The following NARS2 variants were observed in gnomAD, a reference collection of about 807,000 sequenced individuals.
NARS2 encodes the protein asparaginyl-tRNA synthetase 2, mitochondrial, also known as asparaginyl-tRNA synthetase.
Under a neutral mutation model 62.9 loss-of-function variants are expected in NARS2, and 60 were observed. That is an observed-to-expected ratio of 0.95 (90% CI 0.77 to 1.18). NARS2 has a LOEUF of 1.18. Among genes scored for constraint, NARS2 ranks in the 50% most tolerant of loss-of-function variants. NARS2 has a pLI of 0.00. For synonymous variants in NARS2, 196 were observed against 200.0 expected (o/e 0.98, Z 0.17); for missense variants, 619 against 576.4 (o/e 1.07, Z -0.76).
At chr11:78,521,530 C>T (rs55836289) in intron 6 of NARS2, among the ~76,000 whole-genome samples, 14,908 of 151,990 alleles carry the variant, frequency 0.098, 2,355 homozygotes, top group African/African-American at 0.33. Context: ...GTGGCTCACG[C>T]CTGTAATCCC....
intron 7 of NARS2, among the ~76,000 whole-genome samples, chr11:78,485,942 T>A (rs1591189937): frequency 6.6e-6 from 1 of 152,282 alleles, no homozygotes; most frequent in East Asian, 1.9e-4. Context: ...TGGCACGATC[T>A]CGGCTCACTG....
chr11:78,473,315 C>G (rs1858952815), intron 9 of NARS2, among the ~76,000 whole-genome samples: 1 of 152,172 alleles, frequency 6.6e-6, no homozygotes, highest in Admixed American at 6.5e-5. Context: ...TATTTTCTTT[C>G]AACTATGTGA....
At chr11:78,489,409 G>A (rs977972758) in intron 7 of NARS2, among the ~76,000 whole-genome samples, 15 of 152,128 alleles carry the variant, frequency 9.9e-5, no homozygotes, top group African/African-American at 3.6e-4. Flanking sequence ...CTCTTAGAAT[G>A]GCTTAAAACC....
At chr11:78,542,777 T>C (rs1433452471) in intron 5 of NARS2, among the ~76,000 whole-genome samples, 1 of 152,194 alleles carries the variant, frequency 6.6e-6, no homozygotes. Flanking sequence ...TGCGCACCTG[T>C]AGTTTTAGTA....
At position 78,574,629 on chromosome 11, in the gene NARS2, C is replaced by T; in HGVS notation, c.-141G>A. The T allele has an allele frequency of 3.3e-6, 3 of 907,102 alleles. No homozygotes were observed. Among genetic ancestry groups the T allele is most frequent in the Non-Finnish European group, 4.8e-6 (3 of 618,802 alleles). 56.2% of individuals were successfully genotyped at this position (907,102 alleles called of 1,614,324 possible). A position where few individuals can be genotyped will look rare whatever the true frequency, so the allele number is the denominator to read the frequency against. On this transcript the variant is annotated 5_prime_UTR_variant, in exon 1 of 14. Coordinates refer to ENST00000281038, the MANE Select transcript of NARS2 (RefSeq NM_024678.6). ...GGCACTCCAGAGCCCCTCGGCTGCG[C>T]GCTTTCTCCTTCAGGACTCCCAGCT...
intron 11 of NARS2, among the ~76,000 whole-genome samples, chr11:78,447,178 T>C (rs1214462343): frequency 6.6e-6 from 1 of 151,958 alleles, no homozygotes; most frequent in East Asian, 1.9e-4. Flanking sequence ...TTTTTTTTTT[T>C]CTTCCTACAT....
Position 78,482,351 on chromosome 11 carries a change from GCAAA to G in NARS2, c.823-3672_823-3669del, listed in dbSNP as rs200246231. On this transcript the variant is annotated intron_variant, in intron 7 of 13. Coordinates refer to ENST00000281038, the MANE Select transcript of NARS2 (RefSeq NM_024678.6). Reference sequence around the variant, plus strand: ...AATTAAAAGAACTAGAGAAGCAAGAGCAAACAAATTCAAAAGCTAGCAGAAGACA... The same window carrying G: ...AATTAAAAGAACTAGAGAAGCAAGAGCAAATTCAAAAGCTAGCAGAAGACA... Among the ~76,000 whole-genome samples, 14 of 152,028 alleles carry G rather than the reference GCAAA, an allele frequency of 9.2e-5. No individual in the cohort carries two copies. In the East Asian group the frequency reaches 2.7e-3, roughly 29 times the overall value.
intron 4 of NARS2, among the ~76,000 whole-genome samples, chr11:78,560,829 C>G (rs542381045): frequency 2.0e-5 from 3 of 152,302 alleles, no homozygotes; most frequent in East Asian, 1.9e-4. Flanking sequence ...CCAATAAAAT[C>G]TGATCAATAA....
At chr11:78,498,701 G>GA (rs1280806956) in intron 6 of NARS2, among the ~76,000 whole-genome samples, 2 of 147,044 alleles carry the variant, frequency 1.4e-5, no homozygotes, top group East Asian at 2.0e-4. Context: ...TTGGTTTGGT[G>GA]AAAAAACCAA....
chr11:78,574,304 A>G (rs746888738), intron 1 of NARS2, 44 bp downstream of exon 1: 2 of 1,613,118 alleles, frequency 1.2e-6, no homozygotes, highest in South Asian at 2.2e-5. Flanking sequence ...GTGCCATATA[A>G]AAGTCCCTAC....
intron 5 of NARS2, among the ~76,000 whole-genome samples, chr11:78,553,238 G>A (rs1856193953): frequency 6.6e-6 from 1 of 151,798 alleles, no homozygotes; most frequent in African/African-American, 2.4e-5. Context: ...TATGCTTGTT[G>A]GCCTCAAGCA....
At chr11:78,536,273 T>A (rs1197526025) in intron 5 of NARS2, among the ~76,000 whole-genome samples, 1 of 152,212 alleles carries the variant, frequency 6.6e-6, no homozygotes, top group Non-Finnish European at 1.5e-5. Context: ...ATACTTTTTA[T>A]CATTACTTTA....
intron 5 of NARS2, among the ~76,000 whole-genome samples, chr11:78,548,205 A>T (rs1855952519): frequency 6.6e-6 from 1 of 152,184 alleles, no homozygotes; most frequent in South Asian, 2.1e-4. Context: ...GGTGACAGCA[A>T]AACTGTGACT....
chr11:78,552,056 G>A (rs1590853786), intron 5 of NARS2, among the ~76,000 whole-genome samples: 2 of 151,780 alleles, frequency 1.3e-5, no homozygotes, highest in African/African-American at 2.4e-5. Flanking sequence ...ACATAAACAC[G>A]TGTCATGGGA....
At chr11:78,466,519 C>T (rs1191496801) in intron 10 of NARS2, among the ~76,000 whole-genome samples, 4 of 152,030 alleles carry the variant, frequency 2.6e-5, no homozygotes, top group African/African-American at 4.8e-5. Flanking sequence ...CTGGCTGTGT[C>T]GCCCAGGCTA....
In NARS2 at chr11:78,525,978, T is replaced by C. The variant is rs550012793; in HGVS notation, c.689+2864A>G. Among the ~76,000 whole-genome samples, 5 of 151,778 alleles carry C rather than the reference T, an allele frequency of 3.3e-5. No homozygotes were observed. The South Asian group carries it at 1.0e-3, about 31-fold the overall frequency. ...TTCCACAGGTCGTAAAAAAGAAAAA[T>C]TGAGAAACTGTAATAGAATGGAAGA... On this transcript the variant is annotated intron_variant, in intron 6 of 13. Coordinates refer to ENST00000281038, the MANE Select transcript of NARS2 (RefSeq NM_024678.6).
intron 11 of NARS2, among the ~76,000 whole-genome samples, chr11:78,461,649 A>G (rs10899514): frequency 0.22 from 33,081 of 149,076 alleles, 4,029 homozygotes; most frequent in East Asian, 0.41. Context: ...CCCATCCTAA[A>G]GTTGTTCAGT....
intron 5 of NARS2, among the ~76,000 whole-genome samples, chr11:78,547,148 T>C (rs143312096): frequency 4.6e-5 from 7 of 151,914 alleles, no homozygotes; most frequent in African/African-American, 1.7e-4. Context: ...CTGGACAACA[T>C]AGCAAGACCC....
rs1317117203 is a variant in NARS2 at position 78,574,388 on chromosome 11, A to T, written c.101T>A (p.Leu34His). ...CTCCCCACTCGCGTTCTGAGCCCCGAGAGCGTCCCGCACGCTCAGTTTGGC... is the reference window on the plus strand; with the variant it reads ...CTCCCCACTCGCGTTCTGAGCCCCGTGAGCGTCCCGCACGCTCAGTTTGGC... ...PSAKLSVRDA[L>H]GAQNASGERI... Residue 34 changes from leucine to histidine, a missense_variant, in exon 1 of 14, where the codon CTC becomes CAC. Physicochemically the swap from Leu to His is moderately conservative, Grantham distance 99. Transcript: ENST00000281038. 3 of 1,614,200 alleles carry T rather than the reference A, an allele frequency of 1.9e-6. No individual in the cohort carries two copies. The highest frequency in any genetic ancestry group is 2.5e-6 in the Non-Finnish European group (3 of 1,180,042).
Sources: allele counts gnomAD v4.1 joint callset (sites outside exome capture counted in the v4.1 genomes callset), GRCh38; gene constraint gnomAD v4.1.1; transcripts MANE v1.5; gene names NCBI Gene and HGNC (gene_info 2026-07-23, HGNC 2026-07-21).